MSI2: variants seen among roughly 807,000 people sequenced by gnomAD.
MSI2 encodes RNA-binding protein Musashi homolog 2.
MSI2 carries 17 observed loss-of-function variants against 45.6 expected under a neutral mutation model. That is an observed-to-expected ratio of 0.37 (90% confidence interval 0.26 to 0.56). The LOEUF is 0.56. MSI2 is among the 20% of genes least tolerant of loss of function. The pLI is 0.77. For synonymous variants in MSI2, 156 were observed against 158.2 expected (o/e 0.99, Z 0.11); for missense variants, 293 against 444.2 (o/e 0.66, Z 3.06).
intron 7 of MSI2, among the ~76,000 whole-genome samples, chr17:57,551,614 AC>A (rs1193412044): frequency 6.6e-6 from 1 of 151,442 alleles, no homozygotes; most frequent in Non-Finnish European, 1.5e-5. Flanking sequence ...GTGTTCCCAC[AC>A]CCCCCTCTTC....
intron 5 of MSI2, among the ~76,000 whole-genome samples, chr17:57,341,581 G>A (rs1426118206): frequency 6.6e-6 from 1 of 152,170 alleles, no homozygotes; most frequent in African/African-American, 2.4e-5. Flanking sequence ...TTCACTCCCT[G>A]GTACATTGTG....
rs902517858 is a variant in MSI2, at chr17:57,272,503, G to A, written c.312+10311G>A. On this transcript the variant is annotated intron_variant, in intron 5 of 13. Coordinates refer to ENST00000284073, the MANE Select transcript of MSI2 (RefSeq NM_138962.4). ...CCCGCCCCTCCAAAGGCCCTAGATC[G>A]ATAACACTTCATATTGGTGGCATAA... 3.9e-5 allele frequency among the ~76,000 whole-genome samples: 6 copies of A among 152,270 alleles called. No individual in the cohort carries two copies. In the East Asian group the frequency reaches 7.7e-4, roughly 20 times the overall value.
intron 6 of MSI2, among the ~76,000 whole-genome samples, chr17:57,502,220 G>A (rs2086122382): frequency 6.6e-6 from 1 of 152,076 alleles, no homozygotes; most frequent in Non-Finnish European, 1.5e-5. Flanking sequence ...CGTGCACCTG[G>A]CATTTCACAC....
At chr17:57,574,361 G>A (rs972148174) in intron 7 of MSI2, among the ~76,000 whole-genome samples, 3 of 152,244 alleles carry the variant, frequency 2.0e-5, no homozygotes, top group Non-Finnish European at 4.4e-5. Flanking sequence ...CAGAAAACCA[G>A]GAGCTAAGAA....
intron 6 of MSI2, among the ~76,000 whole-genome samples, chr17:57,455,894 G>A (rs1054904079): frequency 7.6e-4 from 115 of 152,210 alleles, no homozygotes; most frequent in African/African-American, 2.7e-3. Flanking sequence ...GCTGGTGCCC[G>A]CGTGTGGGTG....
intron 6 of MSI2, among the ~76,000 whole-genome samples, chr17:57,463,587 A>T (rs553005820): frequency 2.6e-4 from 39 of 152,170 alleles, no homozygotes; most frequent in Non-Finnish European, 4.6e-4. Flanking sequence ...CACTGCCTTC[A>T]CATGGGGGTG....
chr17:57,399,242 C>T (rs996456803), intron 5 of MSI2, among the ~76,000 whole-genome samples: 1 of 152,210 alleles, frequency 6.6e-6, no homozygotes. Flanking sequence ...CATGCACTAT[C>T]TCATCTAATC....
intron 7 of MSI2, among the ~76,000 whole-genome samples, chr17:57,587,032 G>A (rs140088783): frequency 3.3e-5 from 5 of 152,246 alleles, no homozygotes; most frequent in East Asian, 3.9e-4. Context: ...GGGTAAAAAC[G>A]CAGTTCCTGG....
At chr17:57,553,840 A>G (rs1482559678) in intron 7 of MSI2, among the ~76,000 whole-genome samples, 1 of 152,190 alleles carries the variant, frequency 6.6e-6, no homozygotes, top group African/African-American at 2.4e-5. Flanking sequence ...TGGGTAGCCG[A>G]CTTTTCTTGT....
At chr17:57,339,898 C>G (rs1004794468) in intron 5 of MSI2, among the ~76,000 whole-genome samples, 1 of 152,122 alleles carries the variant, frequency 6.6e-6, no homozygotes, top group African/African-American at 2.4e-5. Flanking sequence ...GATGGATTCC[C>G]CAAGGTCCCT....
At chr17:57,589,277 A>G (rs772299033) in intron 7 of MSI2, among the ~76,000 whole-genome samples, 2 of 152,260 alleles carry the variant, frequency 1.3e-5, no homozygotes, top group Non-Finnish European at 2.9e-5. Context: ...CATGGCAGCC[A>G]GTAATCAGAA....
At chr17:57,398,195 ATGT>A (rs1002543731) in intron 5 of MSI2, among the ~76,000 whole-genome samples, 5 of 152,274 alleles carry the variant, frequency 3.3e-5, no homozygotes, top group African/African-American at 1.2e-4. Context: ...GAATGAAGAC[ATGT>A]TGTTTGTTGA....
chr17:57,258,408 T>C, intron 4 of MSI2, 54 bp downstream of exon 4: 1 of 1,405,412 alleles, frequency 7.1e-7, no homozygotes, highest in South Asian at 1.2e-5. Flanking sequence ...GATCTGGGCA[T>C]TGACAGCCCC....
intron 11 of MSI2, among the ~76,000 whole-genome samples, chr17:57,665,183 A>G (rs1163873297): frequency 6.6e-6 from 1 of 152,188 alleles, no homozygotes; most frequent in Admixed American, 6.5e-5. Flanking sequence ...GCCACCCTCC[A>G]GGGTGGACCA....
intron 6 of MSI2, among the ~76,000 whole-genome samples, chr17:57,421,657 G>A (rs933974411): frequency 7.9e-5 from 12 of 152,174 alleles, no homozygotes; most frequent in African/African-American, 2.9e-4. Context: ...CCGAGGTGGG[G>A]AGGATCGCTT....
chr17:57,589,752 T>C (rs1332833410), intron 7 of MSI2, among the ~76,000 whole-genome samples: 1 of 152,096 alleles, frequency 6.6e-6, no homozygotes, highest in Admixed American at 6.5e-5. Context: ...GGGGGGAGTG[T>C]GAAAGTAACT....
At chr17:57,373,036 G>A (rs370966800) in intron 5 of MSI2, among the ~76,000 whole-genome samples, 1 of 152,118 alleles carries the variant, frequency 6.6e-6, no homozygotes, top group Admixed American at 6.5e-5. Context: ...ATCACCTTAG[G>A]TCAGGAGTTC....
intron 6 of MSI2, among the ~76,000 whole-genome samples, chr17:57,428,530 A>G (rs897317820): frequency 6.6e-6 from 1 of 152,150 alleles, no homozygotes; most frequent in Non-Finnish European, 1.5e-5. Context: ...TCAGCCTCCT[A>G]AGAACCCAGG....
At chr17:57,694,426 C>T in the MSI2 span, among the ~76,000 whole-genome samples, 3 of 152,176 alleles carry the variant, frequency 2.0e-5, no homozygotes, top group East Asian at 1.9e-4. Flanking sequence ...GTGATCTGCC[C>T]GTCTCCCAGC....
Sources: allele counts gnomAD v4.1 joint callset (sites outside exome capture counted in the v4.1 genomes callset), GRCh38; gene constraint gnomAD v4.1.1; transcripts MANE v1.5; gene names NCBI Gene and HGNC (gene_info 2026-07-23, HGNC 2026-07-21).